Variants in ASPH observed in about 807,000 individuals in gnomAD.
ASPH encodes aspartyl/asparaginyl beta-hydroxylase.
A neutral mutation model predicts 118.4 loss-of-function variants in ASPH; 100 were observed. The ratio of observed to expected loss-of-function variants is 0.84; its 90% CI spans 0.72 to 1.00. ASPH has a LOEUF of 1.00. ASPH is among the 50% of genes least tolerant of loss of function. ASPH has a pLI of 0.00. For synonymous variants in ASPH, 315 were observed against 325.6 expected (o/e 0.97, Z 0.35); for missense variants, 920 against 919.5 (o/e 1.00, Z -0.01).
At position 61,675,520 on chromosome 8, in the gene ASPH, A is replaced by G. The variant is rs558980326; in HGVS notation, c.322+5448T>C. The G allele has an allele frequency of 2.2e-5, 22 of 981,798 alleles. No homozygotes were observed. The South Asian group carries it at 7.5e-4, about 34-fold the overall frequency. The allele number at this position is 981,798 out of a possible 1,614,324, so 60.8% of individuals were successfully genotyped here. On this transcript the variant is annotated intron_variant, in intron 3 of 24. Transcript: ENST00000379454. ...AAGCACCATTAACACAGAATTTTAC[A>G]TAGAAATTTGTATGAACCTATCTGA...
At chr8:61,584,083 TTAA>T in intron 14 of ASPH, 54 bp from the exon 15 acceptor site, 1 of 1,159,912 alleles carries the variant, frequency 8.6e-7, no homozygotes, top group Non-Finnish European at 1.2e-6. Flanking sequence ...GAAATAGTTA[TTAA>T]GCATAACAAT....
Position 61,518,105 on chromosome 8 carries a change from G to A in ASPH, c.1919C>T (p.Ala640Val). 1 of 1,613,354 alleles carries A rather than the reference G, an allele frequency of 6.2e-7. No homozygotes were observed. The highest frequency in any genetic ancestry group is 8.5e-7 in the Non-Finnish European group (1 of 1,179,538). Residue 640 changes from alanine (A) to valine (V), a missense_variant, in exon 23 of 25, where the codon GCC becomes GTC. Ala to Val is a moderately conservative substitution (Grantham distance 64). Coordinates refer to ENST00000379454, the MANE Select transcript of ASPH (RefSeq NM_004318.4). ...ACAGGTTTTAGGAGCTCCTTTGCAGGCATTTTCATTTCTTCTTCCTAGAAT... is the reference window on the plus strand; with the variant it reads ...ACAGGTTTTAGGAGCTCCTTTGCAGACATTTTCATTTCTTCTTCCTAGAAT... The part of the protein sequence containing the change: ...LWQQGRRNEN[A>V]CKGAPKTCTL...
At chr8:61,528,891 T>A (rs1222095095) in intron 21 of ASPH, among the ~76,000 whole-genome samples, 1 of 152,228 alleles carries the variant, frequency 6.6e-6, no homozygotes, top group Non-Finnish European at 1.5e-5. Context: ...GAAGGGTCTC[T>A]CTGAACACAT....
chr8:61,599,128 A>G (rs1415497819), intron 14 of ASPH, among the ~76,000 whole-genome samples: 1 of 152,200 alleles, frequency 6.6e-6, no homozygotes, highest in African/African-American at 2.4e-5. Context: ...GTAGAAAGAA[A>G]CAAACAATAA....
intron 16 of ASPH, among the ~76,000 whole-genome samples, chr8:61,573,089 T>C (rs572894566): frequency 6.6e-6 from 1 of 152,182 alleles, no homozygotes; most frequent in Admixed American, 6.5e-5. Context: ...GAGAGCCAAA[T>C]CATGAGTGAA....
At chr8:61,649,878 T>TA (rs1244005994) in intron 5 of ASPH, among the ~76,000 whole-genome samples, 3 of 152,114 alleles carry the variant, frequency 2.0e-5, no homozygotes, top group Non-Finnish European at 4.4e-5. Context: ...TAGAATCAAG[T>TA]AAAAAATATC....
At chr8:61,705,883 A>T (rs1836488315) in intron 1 of ASPH, among the ~76,000 whole-genome samples, 1 of 152,220 alleles carries the variant, frequency 6.6e-6, no homozygotes, top group African/African-American at 2.4e-5. Context: ...GGCATGAAAG[A>T]ATAAGATTGA....
At chr8:61,613,990 T>G (rs779582101) in intron 14 of ASPH, among the ~76,000 whole-genome samples, 7 of 152,226 alleles carry the variant, frequency 4.6e-5, no homozygotes, top group Non-Finnish European at 1.0e-4. Context: ...GAAGTACTAG[T>G]TGCACCAAGC....
intron 14 of ASPH, among the ~76,000 whole-genome samples, chr8:61,585,725 A>G (rs1275901402): frequency 6.6e-6 from 1 of 152,100 alleles, no homozygotes; most frequent in Non-Finnish European, 1.5e-5. Flanking sequence ...CTTTCCTGTC[A>G]GCACTTTGGC....
intron 1 of ASPH, chr8:61,689,725 G>GA: frequency 6.4e-7 from 1 of 1,555,130 alleles, no homozygotes; most frequent in Non-Finnish European, 8.7e-7. Flanking sequence ...AAATGCTAAA[G>GA]TAAAACAAAA....
At chr8:61,546,366 TG>T (rs1301150537) in intron 21 of ASPH, among the ~76,000 whole-genome samples, 1 of 152,072 alleles carries the variant, frequency 6.6e-6, no homozygotes, top group African/African-American at 2.4e-5. Context: ...AGTAGAGAAA[TG>T]AACTCACAAA....
At chr8:61,597,342 C>G (rs1842778326) in intron 14 of ASPH, among the ~76,000 whole-genome samples, 1 of 151,994 alleles carries the variant, frequency 6.6e-6, no homozygotes, top group Non-Finnish European at 1.5e-5. Flanking sequence ...CATGGCAAGA[C>G]CCTGTCTCAA....
chr8:61,663,790 AT>A (rs1258704683), intron 3 of ASPH: 5 of 978,586 alleles, frequency 5.1e-6, no homozygotes, highest in Non-Finnish European at 6.1e-6. Flanking sequence ...CTGTTGTATA[AT>A]TCTATTGAGT....
chr8:61,604,982 C>T (rs537036736), intron 14 of ASPH, among the ~76,000 whole-genome samples: 6 of 152,282 alleles, frequency 3.9e-5, no homozygotes, highest in African/African-American at 1.4e-4. Flanking sequence ...TGTTTTCAAA[C>T]TCAGTGTTAA....
chr8:61,649,834 C>G (rs1809996577), intron 5 of ASPH, among the ~76,000 whole-genome samples: 1 of 152,300 alleles, frequency 6.6e-6, no homozygotes, highest in Non-Finnish European at 1.5e-5. Flanking sequence ...GCACAACACT[C>G]CTAAATACCT....
intron 14 of ASPH, among the ~76,000 whole-genome samples, chr8:61,588,454 G>A (rs1300939452): frequency 6.6e-6 from 1 of 152,116 alleles, no homozygotes; most frequent in Non-Finnish European, 1.5e-5. Flanking sequence ...CAGTCCATGG[G>A]GAGAAGTTGA....
At chr8:61,672,231 T>C (rs1018357477) in intron 3 of ASPH, among the ~76,000 whole-genome samples, 1 of 151,688 alleles carries the variant, frequency 6.6e-6, no homozygotes, top group Non-Finnish European at 1.5e-5. Context: ...TGTAATAATA[T>C]AGTACAGATT....
intron 20 of ASPH, among the ~76,000 whole-genome samples, chr8:61,552,503 G>A (rs1396387024): frequency 6.6e-6 from 1 of 152,122 alleles, no homozygotes; most frequent in Non-Finnish European, 1.5e-5. Flanking sequence ...CAGAGGATAA[G>A]TTACACAACT....
chr8:61,618,922 T>C (rs929736303), intron 14 of ASPH, 56 bp downstream of exon 14: 3 of 1,430,502 alleles, frequency 2.1e-6, no homozygotes, highest in African/African-American at 1.4e-5. Context: ...GAACATAAAA[T>C]CATGTTATTC....
Sources: allele counts gnomAD v4.1 joint callset (sites outside exome capture counted in the v4.1 genomes callset), GRCh38; gene constraint gnomAD v4.1.1; transcripts MANE v1.5; gene names NCBI Gene and HGNC (gene_info 2026-07-23, HGNC 2026-07-21).